TRPS1: variants seen among roughly 807,000 people sequenced by gnomAD.
TRPS1 encodes the protein zinc finger transcription factor Trps1.
Under a neutral mutation model 101.2 loss-of-function variants are expected in TRPS1, and 6 were observed. That is an observed-to-expected ratio of 0.06 (90% CI 0.03 to 0.12). The LOEUF is 0.12. Among genes scored for constraint, TRPS1 ranks in the 10% least tolerant of loss-of-function variants. The probability of loss-of-function intolerance (pLI) is 1.00; values close to 1 mark genes in which losing one functional copy is unlikely to be tolerated. For missense variants in TRPS1, 1,363 were observed against 1,567.0 expected, an observed-to-expected ratio of 0.87 and a Z score of 2.20; for synonymous variants, 578 against 589.8, an observed-to-expected ratio of 0.98 and a Z score of 0.29.
At position 115,509,708 on chromosome 8, in the gene TRPS1, C is replaced by G. The variant is rs558884966; in HGVS notation, c.2700+77293G>C. ...AACAAATAAGGAACCCATTGACGTC[C>G]TAGTAGGCTGAGCTCGACGTGAGTG... On this transcript the variant is annotated intron_variant, in intron 5 of 6. Coordinates refer to ENST00000395715, the MANE Select transcript of TRPS1 (RefSeq NM_014112.5). The G allele has an allele frequency of 7.2e-5, 11 of 152,088 alleles. 1 individual carries two copies. Among genetic ancestry groups the G allele is most frequent in the African/African-American group, 2.6e-4 (11 of 41,518 alleles). The allele number at this position is 152,088 out of a possible 1,614,324, so 9.4% of individuals were successfully genotyped here.
chr8:115,461,923 A>C (rs1197667145), intron 5 of TRPS1, among the ~76,000 whole-genome samples: 1 of 152,162 alleles, frequency 6.6e-6, no homozygotes, highest in East Asian at 1.9e-4. Context: ...TCCAACCTTA[A>C]AAAAAGAACA....
At chr8:115,567,244 A>G (rs372481092) in intron 5 of TRPS1, among the ~76,000 whole-genome samples, 2 of 152,176 alleles carry the variant, frequency 1.3e-5, no homozygotes, top group East Asian at 3.9e-4. Context: ...ATAAATCAAC[A>G]TGGACAGAAA....
At chr8:115,551,849 T>G (rs988932267) in intron 5 of TRPS1, among the ~76,000 whole-genome samples, 3 of 152,212 alleles carry the variant, frequency 2.0e-5, no homozygotes, top group Non-Finnish European at 2.9e-5. Flanking sequence ...CTTAATTTAG[T>G]GTATCCCCTT....
At chr8:115,528,270 T>C (rs1192790110) in intron 5 of TRPS1, among the ~76,000 whole-genome samples, 1 of 152,074 alleles carries the variant, frequency 6.6e-6, no homozygotes, top group Non-Finnish European at 1.5e-5. Flanking sequence ...ATAAGATTAT[T>C]GTGTACCTAT....
chr8:115,644,516 G>T (rs2130594459), intron 1 of TRPS1, among the ~76,000 whole-genome samples: 1 of 152,306 alleles, frequency 6.6e-6, no homozygotes, highest in East Asian at 1.9e-4. Flanking sequence ...GAATGTCGTG[G>T]CTGGCTTGAT....
rs1214289756 is a variant in TRPS1 at position 115,549,006 on chromosome 8, GATTA to G, written c.2700+37991_2700+37994del. 7.2e-5 allele frequency among the ~76,000 whole-genome samples: 11 copies of G among 152,280 alleles called. No individual in the cohort carries two copies. In the East Asian group the frequency reaches 2.1e-3, roughly 29 times the overall value. ...GTAGTGTATTAATACTGATTACACT[GATTA>G]ATAGTACCGTAAAAATTGGTTCAAT... is the stretch of plus-strand genomic sequence containing the variant. On this transcript the variant is annotated intron_variant, in intron 5 of 6. Transcript: ENST00000395715.
At chr8:115,631,364 C>T (rs1322725659) in intron 1 of TRPS1, among the ~76,000 whole-genome samples, 16 of 151,978 alleles carry the variant, frequency 1.1e-4, no homozygotes, top group Admixed American at 8.5e-4. Flanking sequence ...ATATGTGATA[C>T]TAATCAAAAT....
chr8:115,508,916 T>G (rs1051543934), intron 5 of TRPS1, among the ~76,000 whole-genome samples: 1 of 151,924 alleles, frequency 6.6e-6, no homozygotes, highest in African/African-American at 2.4e-5. Flanking sequence ...CTGGAAACAT[T>G]TGGACTCTAT....
chr8:115,598,197 T>C (rs886881027), intron 4 of TRPS1, among the ~76,000 whole-genome samples: 4 of 152,236 alleles, frequency 2.6e-5, no homozygotes, highest in African/African-American at 9.6e-5. Context: ...ATTCATTTCC[T>C]ATTCTTTCAT....
rs562985805 is a variant in TRPS1, at chr8:115,534,013, A to G, written c.2700+52988T>C. Among the ~76,000 whole-genome samples the G allele has an allele frequency of 9.9e-5, 15 of 152,196 alleles. No individual in the cohort carries two copies. The South Asian group carries it at 2.5e-3, about 25-fold the overall frequency. On this transcript the variant is annotated intron_variant, in intron 5 of 6. Transcript: ENST00000395715. ...ACTGGAGATTGAAGCTCTAACCCCA[A>G]TACCATCACACTGGAGATTGAAGCT...
At chr8:115,429,194 C>G (rs1813259970) in intron 5 of TRPS1, among the ~76,000 whole-genome samples, 1 of 152,176 alleles carries the variant, frequency 6.6e-6, no homozygotes, top group Non-Finnish European at 1.5e-5. Flanking sequence ...TCCCTACTCC[C>G]TGCCCCGTCA....
intron 5 of TRPS1, among the ~76,000 whole-genome samples, chr8:115,516,916 A>G (rs1413010817): frequency 6.6e-6 from 1 of 151,586 alleles, no homozygotes; most frequent in Non-Finnish European, 1.5e-5. Context: ...TTGTGTGAAC[A>G]ATTAGTAGAA....
At chr8:115,561,135 C>G (rs531403952) in intron 5 of TRPS1, among the ~76,000 whole-genome samples, 1 of 152,234 alleles carries the variant, frequency 6.6e-6, no homozygotes, top group East Asian at 1.9e-4. Context: ...CTCTGTGGTA[C>G]AAAGTAAGAG....
Position 115,604,282 on chromosome 8 carries a change from A to T in TRPS1, c.1687T>A (p.Tyr563Asn), listed in dbSNP as rs886062623. 9.3e-6 allele frequency: 15 copies of T among 1,614,006 alleles called. No homozygotes were observed. The highest frequency in any genetic ancestry group is 1.1e-5 in the Non-Finnish European group (13 of 1,180,022). Reference sequence around the variant, plus strand: ...TTGTGAATGTTATGGAGCTGTTGATAATGACGGAGAAGTGGCCCCACTACA... The same window carrying T: ...TTGTGAATGTTATGGAGCTGTTGATTATGACGGAGAAGTGGCCCCACTACA... ...VIVVGPLLRHYQQLHNIHKCT... is the reference protein window; with the variant it reads ...VIVVGPLLRHNQQLHNIHKCT... Residue 563 changes from tyrosine (Y) to asparagine (N), a missense_variant, in exon 4 of 7, where the codon TAT (tyrosine) becomes AAT (asparagine). By Grantham distance (143) the Tyr-to-Asn change is moderately radical. Around this residue, in one of 5 missense-constraint regions of TRPS1, gnomAD observed 1,020 missense variants for 1,073.0 expected, o/e 0.95. Coordinates refer to ENST00000395715, the MANE Select transcript of TRPS1 (RefSeq NM_014112.5). The surrounding 1 kb of genome is among the most constrained non-coding windows in gnomAD (Gnocchi z 4.1).
intron 5 of TRPS1, among the ~76,000 whole-genome samples, chr8:115,427,099 C>T (rs1038468080): frequency 1.9e-4 from 29 of 151,774 alleles, no homozygotes; most frequent in African/African-American, 6.5e-4. Flanking sequence ...ACAGCAAGAA[C>T]GTGTCTCTAC....
At chr8:115,579,488 A>G (rs1490702296) in intron 5 of TRPS1, among the ~76,000 whole-genome samples, 2 of 152,142 alleles carry the variant, frequency 1.3e-5, no homozygotes, top group African/African-American at 4.8e-5. Flanking sequence ...ATGCAATTCA[A>G]TAAATCATGT....
At chr8:115,479,549 A>G (rs1450334183) in intron 5 of TRPS1, among the ~76,000 whole-genome samples, 1 of 152,130 alleles carries the variant, frequency 6.6e-6, no homozygotes, top group Non-Finnish European at 1.5e-5. Context: ...ACAAAGCAAA[A>G]CAAAACAAAA....
chr8:115,546,209 A>G (rs1816566390), intron 5 of TRPS1, among the ~76,000 whole-genome samples: 1 of 151,732 alleles, frequency 6.6e-6, no homozygotes, highest in Non-Finnish European at 1.5e-5. Context: ...TAAAAATTAA[A>G]TTCTTGCATT....
At chr8:115,468,788 T>A (rs1400792048) in intron 5 of TRPS1, among the ~76,000 whole-genome samples, 1 of 152,124 alleles carries the variant, frequency 6.6e-6, no homozygotes, top group African/African-American at 2.4e-5. Flanking sequence ...GCTACAGAAC[T>A]CATAATACAT....
Sources: gnomAD v4.1 joint callset for allele counts (sites outside exome capture counted in the v4.1 genomes callset) on GRCh38, gnomAD v4.1.1 for gene constraint, gnomAD v4.1.1 regional missense constraint, Gnocchi (gnomAD v3.1) non-coding constraint, MANE v1.5 for transcripts, NCBI Gene and HGNC (gene_info 2026-07-23, HGNC 2026-07-21) for gene names.